Variants in FAM227B observed in about 807,000 individuals in gnomAD.
The protein encoded by FAM227B is protein FAM227B.
A neutral mutation model predicts 73.8 loss-of-function variants in FAM227B; 88 were observed. That is an observed-to-expected ratio of 1.19 (90% confidence interval 1.00 to 1.42). The LOEUF is 1.42. Ranked by LOEUF, FAM227B falls within the 40% of genes most tolerant of loss-of-function variation. The pLI is 0.00. For synonymous variants in FAM227B, 210 were observed against 190.5 expected (o/e 1.10, Z -0.84); for missense variants, 632 against 590.9 (o/e 1.07, Z -0.72).
At chr15:49,547,276 G>A (rs1420382276) in intron 9 of FAM227B, among the ~76,000 whole-genome samples, 1 of 151,726 alleles carries the variant, frequency 6.6e-6, no homozygotes, top group Non-Finnish European at 1.5e-5. Flanking sequence ...GCTCCTGAAG[G>A]AAGCACTAAA....
chr15:49,328,591 TGTA>T lies in FAM227B; in HGVS notation c.1501_1503del (p.Tyr501del), dbSNP rs1464856091. ...TCTTAGTATTCTTCTTCCTCAAAGT[TGTA>T]GTTGTCTGTTGATGATGGTGATGAT... On this transcript the variant is annotated inframe_deletion, in exon 16 of 16. Transcript: ENST00000299338. 6.3e-7 allele frequency: 1 copy of T among 1,596,700 alleles called. No individual in the cohort carries two copies. The highest frequency in any genetic ancestry group is 1.3e-5 in the African/African-American group (1 of 74,958).
At chr15:49,587,739 GTA>G (rs759710719) in intron 5 of FAM227B, among the ~76,000 whole-genome samples, 105 of 151,700 alleles carry the variant, frequency 6.9e-4, no homozygotes, top group Non-Finnish European at 9.4e-4. Context: ...GCACTACTAA[GTA>G]TGTTATAAAT....
At chr15:49,332,600 T>G (rs1030064265) in intron 14 of FAM227B, among the ~76,000 whole-genome samples, 2 of 152,080 alleles carry the variant, frequency 1.3e-5, no homozygotes, top group African/African-American at 4.8e-5. Context: ...GGAGAAACAT[T>G]AGTAAAAGTA....
At chr15:49,565,477 G>T (rs2074583965) in intron 9 of FAM227B, among the ~76,000 whole-genome samples, 1 of 151,680 alleles carries the variant, frequency 6.6e-6, no homozygotes, top group South Asian at 2.1e-4. Context: ...TTCCTCTCAG[G>T]GAGTGACTCA....
chr15:49,365,869 G>T, intron 13 of FAM227B: 1 of 914,042 alleles, frequency 1.1e-6, no homozygotes, highest in Non-Finnish European at 1.8e-6. Flanking sequence ...TTGTCCATAT[G>T]GCATCTTATG....
chr15:49,456,021 T>C (rs923023398), intron 11 of FAM227B, among the ~76,000 whole-genome samples: 5 of 152,160 alleles, frequency 3.3e-5, no homozygotes, highest in Non-Finnish European at 7.4e-5. Flanking sequence ...CTCAACATGC[T>C]GTTACATGCT....
chr15:49,392,165 C>A lies in FAM227B; in HGVS notation c.1013-20766G>T, dbSNP rs545083871. Among the ~76,000 whole-genome samples, 139 of 152,108 alleles carry A rather than the reference C, an allele frequency of 9.1e-4. 5 individuals are homozygous for A. In the South Asian group the frequency reaches 0.028, roughly 30 times the overall value. On this transcript the variant is annotated intron_variant, in intron 11 of 15. Transcript: ENST00000299338. Reference sequence around the variant, plus strand: ...ATAAATTTAATATGAGATAAAGGGGCAAATATATTGCATCAGAAATGAAAC... The same window carrying A: ...ATAAATTTAATATGAGATAAAGGGGAAAATATATTGCATCAGAAATGAAAC...
At chr15:49,607,765 G>C (rs2077615672) in intron 3 of FAM227B, among the ~76,000 whole-genome samples, 1 of 151,406 alleles carries the variant, frequency 6.6e-6, no homozygotes, top group Non-Finnish European at 1.5e-5. Context: ...TTAATATAAA[G>C]AAGGTGATTT....
chr15:49,550,152 CA>C (rs537713605), intron 9 of FAM227B, among the ~76,000 whole-genome samples: 19 of 138,900 alleles, frequency 1.4e-4, no homozygotes, highest in African/African-American at 4.6e-4. Flanking sequence ...GCTGGCCGGG[CA>C]GGGGGCTGAT....
At chr15:49,461,840 G>C (rs536143227) in intron 11 of FAM227B, among the ~76,000 whole-genome samples, 3 of 152,084 alleles carry the variant, frequency 2.0e-5, no homozygotes, top group Admixed American at 1.3e-4. Context: ...TCTACATATG[G>C]TTACTAGGGT....
At chr15:49,440,086 G>A (rs1312131687) in intron 11 of FAM227B, among the ~76,000 whole-genome samples, 4 of 151,746 alleles carry the variant, frequency 2.6e-5, no homozygotes, top group South Asian at 2.1e-4. Context: ...ACTGAGTCAC[G>A]AAAAGATAAC....
At chr15:49,606,734 CCTTCTTTCT>C (rs2077544641) in intron 3 of FAM227B, among the ~76,000 whole-genome samples, 1 of 152,178 alleles carries the variant, frequency 6.6e-6, no homozygotes, top group Non-Finnish European at 1.5e-5. Flanking sequence ...CCAAGCAAAC[CCTTCTTTCT>C]CAATGTGGAA....
At chr15:49,565,571 T>C (rs2074591351) in intron 9 of FAM227B, among the ~76,000 whole-genome samples, 1 of 152,110 alleles carries the variant, frequency 6.6e-6, no homozygotes, top group Admixed American at 6.6e-5. Flanking sequence ...GTATTTATAA[T>C]CACACATTAA....
chr15:49,619,627 A>G (rs2078537396), intron 1 of FAM227B, among the ~76,000 whole-genome samples: 1 of 152,248 alleles, frequency 6.6e-6, no homozygotes, highest in Non-Finnish European at 1.5e-5. Flanking sequence ...TTAAGCCACC[A>G]TATTTTGGAG....
At chr15:49,412,790 C>T (rs1033730396) in intron 11 of FAM227B, among the ~76,000 whole-genome samples, 11 of 151,940 alleles carry the variant, frequency 7.2e-5, no homozygotes, top group African/African-American at 2.7e-4. Flanking sequence ...AAAAACTTTC[C>T]TTTTGCACCA....
At chr15:49,450,748 AT>A (rs201242552) in intron 11 of FAM227B, among the ~76,000 whole-genome samples, 3,531 of 152,276 alleles carry the variant, frequency 0.023, 88 homozygotes, top group South Asian at 0.13. Flanking sequence ...AACAAAACTA[AT>A]AACACTGCGT....
rs1428713459 is a variant in FAM227B at position 49,368,316 on chromosome 15, AAT to A, written c.1111-710_1111-709del. Among the ~76,000 whole-genome samples the A allele has an allele frequency of 2.4e-4, 37 of 152,156 alleles. 2 individuals are homozygous for A. Among genetic ancestry groups the A allele is most frequent in the Middle Eastern group, 3.2e-3 (1 of 316 alleles). On this transcript the variant is annotated intron_variant, in intron 12 of 15. Coordinates refer to ENST00000299338, the MANE Select transcript of FAM227B (RefSeq NM_152647.3). The stretch of plus-strand genomic sequence containing the variant: ...ACTACTAATATTTTAAGTTTTCCTC[AAT>A]CTTTGTAATACCATTATGAAAGATT...
intron 14 of FAM227B, 163 bp from the exon 15 acceptor site, chr15:49,332,012 A>ATT (rs1343407849): frequency 1.0e-5 from 6 of 592,360 alleles, no homozygotes; most frequent in African/African-American, 1.9e-5. Flanking sequence ...AGGTACTCCT[A>ATT]TTATCCTATT....
intron 10 of FAM227B, among the ~76,000 whole-genome samples, chr15:49,529,147 A>T (rs2060425769): frequency 6.6e-6 from 1 of 151,882 alleles, no homozygotes; most frequent in South Asian, 2.1e-4. Flanking sequence ...TGCAGCCATA[A>T]AAGGGAATAC....
Sources: gnomAD v4.1 joint callset for allele counts (sites outside exome capture counted in the v4.1 genomes callset) on GRCh38, gnomAD v4.1.1 for gene constraint, MANE v1.5 for transcripts, NCBI Gene and HGNC (gene_info 2026-07-23, HGNC 2026-07-21) for gene names.